The following RGL1 variants were observed in gnomAD, a reference collection of about 807,000 sequenced individuals.
RGL1 encodes ral guanine nucleotide dissociation stimulator like 1.
RGL1 carries 24 observed loss-of-function variants against 95.2 expected under a neutral mutation model. The observed-to-expected ratio is 0.25, with a 90% confidence interval of 0.18 to 0.35. The LOEUF (loss-of-function observed/expected upper bound fraction) is 0.35, where lower values mean the gene tolerates loss of function less well. Among genes scored for constraint, RGL1 ranks in the 10% least tolerant of loss-of-function variants. The pLI, the probability that RGL1 is intolerant of heterozygous loss-of-function variation, is 1.00. For missense variants in RGL1, 715 were observed against 936.3 expected, an observed-to-expected ratio of 0.76 and a Z score of 3.08; for synonymous variants, 329 against 344.9, an observed-to-expected ratio of 0.95 and a Z score of 0.51.
intron 1 of RGL1, among the ~76,000 whole-genome samples, chr1:183,736,634 C>T (rs1190261517): frequency 6.6e-6 from 1 of 152,036 alleles, no homozygotes; most frequent in Non-Finnish European, 1.5e-5. Flanking sequence ...TGGACAGGAC[C>T]TCAGCTCATT....
intron 2 of RGL1, among the ~76,000 whole-genome samples, chr1:183,836,759 C>T (rs1352732222): frequency 6.6e-6 from 1 of 152,068 alleles, no homozygotes; most frequent in African/African-American, 2.4e-5. Context: ...AGAATACTTG[C>T]CAGAGACACT....
Position 183,912,195 on chromosome 1 carries a change from G to C in RGL1, c.1676G>C (p.Cys559Ser). The C allele has an allele frequency of 6.2e-7, 1 of 1,614,096 alleles. No individual in the cohort carries two copies. The highest frequency in any genetic ancestry group is 1.7e-5 in the Admixed American group (1 of 60,008). The change falls in exon 15 of 18, where the codon TGC (cysteine) becomes TCC (serine). Residue 559 changes from cysteine to serine, a missense_variant. Cys to Ser is a moderately radical substitution (Grantham distance 112, BLOSUM62 -1). Coordinates refer to ENST00000360851, the MANE Select transcript of RGL1 (RefSeq NM_001297671.3). ...ATGGACTCTGTCAGCGTGTCATCCT[G>C]CGAGTCGAACCACTCAGAGGCTGAG... ...ESMDSVSVSS[C>S]ESNHSEAEEG...
intron 2 of RGL1, among the ~76,000 whole-genome samples, chr1:183,834,911 G>T (rs1663530487): frequency 6.6e-6 from 1 of 151,958 alleles, no homozygotes; most frequent in African/African-American, 2.4e-5. Context: ...CTGAACTCCT[G>T]ACCTCAAGCG....
rs1348206842 is a variant in RGL1, at chr1:183,700,528, A to T, written c.-32-41598A>T. Among the ~76,000 whole-genome samples, 34 of 148,018 alleles carry T rather than the reference A, an allele frequency of 2.3e-4. No individual in the cohort carries two copies. The East Asian group carries it at 3.4e-3, about 15-fold the overall frequency. On this transcript the variant is annotated intron_variant, in intron 1 of 18. Transcript: ENST00000304685. The stretch of plus-strand genomic sequence containing the variant: ...TACGTGTTCCATGGTGGTTTGCTGC[A>T]TCTATCAACCTGTCATCTAGGTTTG...
chr1:183,860,219 C>G (rs12129684), intron 3 of RGL1, among the ~76,000 whole-genome samples: 22,228 of 152,080 alleles, frequency 0.15, 2,226 homozygotes, highest in African/African-American at 0.26. Context: ...TTCACTATCC[C>G]CAATAAAGTA....
chr1:183,774,457 T>A (rs773366069), intron 2 of RGL1, among the ~76,000 whole-genome samples: 18 of 152,320 alleles, frequency 1.2e-4, no homozygotes, highest in Non-Finnish European at 1.2e-4. Context: ...AACTTGTCAT[T>A]TGCCATCTTT....
At chr1:183,911,484 G>A (rs1007018292) in intron 14 of RGL1, among the ~76,000 whole-genome samples, 7 of 152,074 alleles carry the variant, frequency 4.6e-5, no homozygotes, top group Non-Finnish European at 8.8e-5. Context: ...GCCAAGATTG[G>A]GGCCTCCCAC....
intron 1 of RGL1, among the ~76,000 whole-genome samples, chr1:183,696,809 A>G (rs1263241427): frequency 6.6e-6 from 1 of 152,054 alleles, no homozygotes; most frequent in Admixed American, 6.6e-5. Context: ...CTTTCATCCA[A>G]TCCTTTGGCA....
intron 4 of RGL1, among the ~76,000 whole-genome samples, chr1:183,872,040 T>G (rs1572532687): frequency 1.3e-5 from 2 of 152,362 alleles, no homozygotes; most frequent in South Asian, 2.1e-4. Context: ...ATTTATCAAT[T>G]AGGAAACTCA....
chr1:183,891,200 G>GT (rs1007095233), intron 8 of RGL1, among the ~76,000 whole-genome samples: 3 of 151,900 alleles, frequency 2.0e-5, no homozygotes, highest in Non-Finnish European at 4.4e-5. Context: ...CTTAATAATG[G>GT]TTTTTTTCAT....
intron 1 of RGL1, among the ~76,000 whole-genome samples, chr1:183,700,085 G>A (rs1465696386): frequency 6.6e-6 from 1 of 152,172 alleles, no homozygotes; most frequent in Non-Finnish European, 1.5e-5. Context: ...TGACCAGACT[G>A]ATTTTAAGTT....
intron 9 of RGL1, among the ~76,000 whole-genome samples, chr1:183,895,646 A>G (rs1477842845): frequency 6.6e-6 from 1 of 152,178 alleles, no homozygotes; most frequent in Non-Finnish European, 1.5e-5. Flanking sequence ...CAGTCACAAA[A>G]ACCTATGAAA....
At chr1:183,657,002 A>G (rs946625893) in intron 1 of RGL1, among the ~76,000 whole-genome samples, 5 of 133,102 alleles carry the variant, frequency 3.8e-5, no homozygotes, top group Admixed American at 2.3e-4. Context: ...TAAGTTCACA[A>G]AATCGACTCA....
intron 4 of RGL1, among the ~76,000 whole-genome samples, chr1:183,877,452 T>G (rs1666564671): frequency 6.6e-6 from 1 of 152,246 alleles, no homozygotes; most frequent in South Asian, 2.1e-4. Context: ...CTTCTAAATC[T>G]ATCAAGAACG....
At chr1:183,810,002 T>C (rs1661601067) in intron 2 of RGL1, among the ~76,000 whole-genome samples, 3 of 152,194 alleles carry the variant, frequency 2.0e-5, no homozygotes, top group African/African-American at 4.8e-5. Context: ...TATCTTGTGA[T>C]TTTTGGAAGA....
intron 3 of RGL1, among the ~76,000 whole-genome samples, chr1:183,852,719 G>A (rs960218374): frequency 1.4e-4 from 22 of 152,174 alleles, no homozygotes; most frequent in East Asian, 3.9e-4. Flanking sequence ...AGGCTGAGGC[G>A]GGAGAATCGC....
At chr1:183,828,948 G>A (rs1165598543) in intron 2 of RGL1, among the ~76,000 whole-genome samples, 1 of 152,182 alleles carries the variant, frequency 6.6e-6, no homozygotes, top group Non-Finnish European at 1.5e-5. Context: ...CTCAGTAGAA[G>A]CAGATGACTT....
intron 2 of RGL1, among the ~76,000 whole-genome samples, chr1:183,814,172 T>C (rs1419694044): frequency 6.8e-6 from 1 of 147,834 alleles, no homozygotes; most frequent in Non-Finnish European, 1.5e-5. Flanking sequence ...GACACCACCT[T>C]GTAGGAAGCT....
chr1:183,819,784 CTTT>C (rs35090355), intron 2 of RGL1, among the ~76,000 whole-genome samples: 3 of 142,718 alleles, frequency 2.1e-5, no homozygotes, highest in Admixed American at 7.0e-5. Context: ...CAACATTATA[CTTT>C]TTTTTTTTTT....
Sources: allele counts gnomAD v4.1 joint callset (sites outside exome capture counted in the v4.1 genomes callset), GRCh38; gene constraint gnomAD v4.1.1; transcripts MANE v1.5; gene names NCBI Gene and HGNC (gene_info 2026-07-23, HGNC 2026-07-21).